SYNPR: variants seen among roughly 807,000 people sequenced by gnomAD.
SYNPR encodes synaptoporin.
SYNPR carries 23 observed loss-of-function variants against 32.9 expected under a neutral mutation model. That is an observed-to-expected ratio of 0.70 (90% CI 0.50 to 0.99). The LOEUF (loss-of-function observed/expected upper bound fraction) is 0.99, where lower values mean the gene tolerates loss of function less well. Among genes scored for constraint, SYNPR ranks in the 50% least tolerant of loss-of-function variants. The pLI, the probability that SYNPR is intolerant of heterozygous loss-of-function variation, is 0.00. For synonymous variants in SYNPR, 146 were observed against 135.9 expected, an observed-to-expected ratio of 1.07 and a Z score of -0.52; for missense variants, 318 against 349.3, an observed-to-expected ratio of 0.91 and a Z score of 0.71.
chr3:63,477,577 C>G (rs1284529629), intron 2 of SYNPR, among the ~76,000 whole-genome samples: 1 of 152,154 alleles, frequency 6.6e-6, no homozygotes, highest in East Asian at 1.9e-4. Flanking sequence ...CTTACTCACA[C>G]CTTTATCTCG....
intron 2 of SYNPR, among the ~76,000 whole-genome samples, chr3:63,399,693 C>G (rs1560217567): frequency 6.6e-6 from 1 of 152,106 alleles, no homozygotes; most frequent in Non-Finnish European, 1.5e-5. Context: ...GTGGACCTTG[C>G]CTGTGGTAGA....
intron 2 of SYNPR, among the ~76,000 whole-genome samples, chr3:63,431,292 G>A (rs1024067742): frequency 6.6e-6 from 1 of 152,182 alleles, no homozygotes; most frequent in African/African-American, 2.4e-5. Flanking sequence ...GCAGAATTTT[G>A]AACATGTACA....
intron 4 of SYNPR, among the ~76,000 whole-genome samples, chr3:63,601,939 G>A (rs774499278): frequency 3.1e-4 from 47 of 152,090 alleles, no homozygotes; most frequent in African/African-American, 1.1e-3. Context: ...ACTAGTTTAC[G>A]CTCCTACCAA....
chr3:63,319,018 G>T (rs2087077637), intron 2 of SYNPR, among the ~76,000 whole-genome samples: 1 of 151,982 alleles, frequency 6.6e-6, no homozygotes, highest in African/African-American at 2.4e-5. Flanking sequence ...TGCAGTGATT[G>T]TTGTCTCTCT....
At chr3:63,348,608 C>A (rs916301498) in intron 2 of SYNPR, among the ~76,000 whole-genome samples, 8 of 152,088 alleles carry the variant, frequency 5.3e-5, no homozygotes, top group Non-Finnish European at 4.4e-5. Context: ...TTGCCTAGAC[C>A]AATGGCCAGA....
intron 2 of SYNPR, among the ~76,000 whole-genome samples, chr3:63,457,226 C>T (rs992492061): frequency 3.3e-5 from 5 of 152,122 alleles, no homozygotes; most frequent in Non-Finnish European, 7.4e-5. Flanking sequence ...ATGAACTCTT[C>T]AGTGCTTTCT....
In SYNPR at chr3:63,504,117, T is replaced by C. The variant is rs140500480; in HGVS notation, c.209+23161T>C. Among the ~76,000 whole-genome samples, 8 of 152,276 alleles carry C rather than the reference T, an allele frequency of 5.3e-5. No homozygotes were observed. In the East Asian group the frequency reaches 1.5e-3, roughly 29 times the overall value. On this transcript the variant is annotated intron_variant, in intron 3 of 5. Transcript: ENST00000478300. Reference sequence around the variant, plus strand: ...TAATGAGTTATTTTATATTAATTGTTGAAATTAAAATATTTTACCAAAGAA... The same window carrying C: ...TAATGAGTTATTTTATATTAATTGTCGAAATTAAAATATTTTACCAAAGAA...
intron 2 of SYNPR, among the ~76,000 whole-genome samples, chr3:63,340,105 G>A (rs979271531): frequency 3.3e-5 from 5 of 151,940 alleles, no homozygotes; most frequent in Non-Finnish European, 5.9e-5. Flanking sequence ...GGGACTGGAG[G>A]TTTTCACTCA....
chr3:63,371,992 C>T (rs2087818519), intron 2 of SYNPR, among the ~76,000 whole-genome samples: 1 of 152,128 alleles, frequency 6.6e-6, no homozygotes, highest in Admixed American at 6.5e-5. Context: ...AGCCCTCAAT[C>T]CCCACTCTTC....
chr3:63,560,895 C>G (rs1559536872), intron 4 of SYNPR, among the ~76,000 whole-genome samples: 1 of 152,308 alleles, frequency 6.6e-6, no homozygotes, highest in Admixed American at 6.5e-5. Flanking sequence ...TGGGTGGGGA[C>G]ACAAAGCCTA....
intron 2 of SYNPR, among the ~76,000 whole-genome samples, chr3:63,406,224 C>A (rs1440810497): frequency 6.6e-6 from 1 of 150,570 alleles, no homozygotes; most frequent in Admixed American, 6.6e-5. Flanking sequence ...AAAAAGCCAC[C>A]TATGCCCTGT....
At chr3:63,234,301 A>G (rs924045108) in intron 1 of SYNPR, among the ~76,000 whole-genome samples, 1 of 152,136 alleles carries the variant, frequency 6.6e-6, no homozygotes, top group Non-Finnish European at 1.5e-5. Context: ...ACATGATTCA[A>G]TTACCTCCCA....
intron 1 of SYNPR, among the ~76,000 whole-genome samples, chr3:63,247,635 C>A (rs11130919): frequency 0.2 from 30,681 of 152,022 alleles, 3,287 homozygotes; most frequent in Middle Eastern, 0.33. Flanking sequence ...TCAAAGGGCT[C>A]CGTCATCCAG....
chr3:63,377,397 GA>G (rs1461928203), intron 2 of SYNPR, among the ~76,000 whole-genome samples: 2 of 151,994 alleles, frequency 1.3e-5, no homozygotes, highest in African/African-American at 4.8e-5. Flanking sequence ...GATAAGAAAA[GA>G]AGCCTTATTT....
chr3:63,571,661 A>G lies in SYNPR; in HGVS notation c.408+14920A>G, dbSNP rs142981535. ...CAGTATTTCTTTTCTACCACGTGGAATAAAAGAAAGCTAATTCACCCAGAC... is the reference window on the plus strand; with the variant it reads ...CAGTATTTCTTTTCTACCACGTGGAGTAAAAGAAAGCTAATTCACCCAGAC... On this transcript the variant is annotated intron_variant, in intron 4 of 5. Transcript: ENST00000478300. Among the ~76,000 whole-genome samples, 29 of 152,332 alleles carry G rather than the reference A, an allele frequency of 1.9e-4. No individual in the cohort carries two copies. The East Asian group carries it at 5.4e-3, about 28-fold the overall frequency.
intron 3 of SYNPR, among the ~76,000 whole-genome samples, chr3:63,541,756 G>A (rs756787440): frequency 4.6e-5 from 7 of 151,928 alleles, no homozygotes; most frequent in Non-Finnish European, 1.0e-4. Context: ...CAAGGTTTAG[G>A]AGCCCAGAGA....
At position 63,616,439 on chromosome 3, in the gene SYNPR, T is replaced by A. The variant is rs1322018710; in HGVS notation, c.*958T>A. The A allele has an allele frequency of 6.6e-6, 1 of 152,536 alleles. No individual in the cohort carries two copies. The highest frequency in any genetic ancestry group is 1.5e-5 in the Non-Finnish European group (1 of 68,032). The allele number at this position is 152,536 out of a possible 1,614,324, so 9.4% of individuals were successfully genotyped here. A position where few individuals can be genotyped will look rare whatever the true frequency, so the allele number is the denominator to read the frequency against. ...ACCGCCTTGCTGAAGTATTTATTTA[T>A]AAAGAATATTCTGTAGAACCTCTAC... is the stretch of plus-strand genomic sequence containing the variant. On this transcript the variant is annotated 3_prime_UTR_variant, in exon 6 of 6. Coordinates refer to ENST00000478300, the MANE Select transcript of SYNPR (RefSeq NM_001130003.2).
chr3:63,309,526 T>A (rs1357941184), intron 2 of SYNPR, among the ~76,000 whole-genome samples: 1 of 152,090 alleles, frequency 6.6e-6, no homozygotes, highest in Non-Finnish European at 1.5e-5. Flanking sequence ...GTCTTACTTT[T>A]AATATTTGTT....
intron 2 of SYNPR, among the ~76,000 whole-genome samples, chr3:63,368,336 G>A (rs2087752357): frequency 6.6e-6 from 1 of 152,188 alleles, no homozygotes; most frequent in Non-Finnish European, 1.5e-5. Flanking sequence ...GTCCTACAGG[G>A]AAGCAGAGAA....
Sources: allele counts gnomAD v4.1 joint callset (sites outside exome capture counted in the v4.1 genomes callset), GRCh38; gene constraint gnomAD v4.1.1; transcripts MANE v1.5; gene names NCBI Gene and HGNC (gene_info 2026-07-23, HGNC 2026-07-21).